The following CNTN2 variants were observed in gnomAD, a reference collection of about 807,000 sequenced individuals.
CNTN2 encodes the protein contactin 2.
A neutral mutation model predicts 117.5 loss-of-function variants in CNTN2; 53 were observed. That is an observed-to-expected ratio of 0.45 (90% CI 0.36 to 0.57). The LOEUF (loss-of-function observed/expected upper bound fraction) is 0.57. Among genes scored for constraint, CNTN2 ranks in the 20% least tolerant of loss-of-function variants. The pLI, the probability that CNTN2 is intolerant of heterozygous loss-of-function variation, is 0.00. For synonymous variants in CNTN2, 530 were observed against 561.7 expected (o/e 0.94, Z 0.80); for missense variants, 1,106 against 1,404.3 (o/e 0.79, Z 3.39).
chr1:205,065,708 C>T lies in CNTN2; in HGVS notation c.1696-81C>T, dbSNP rs914440686. The T allele has an allele frequency of 8.6e-5, 48 of 556,450 alleles. No individual in the cohort carries two copies. The highest frequency in any genetic ancestry group is 1.4e-4 in the Non-Finnish European group (43 of 306,254). The allele number at this position is 556,450 out of a possible 1,614,324, so 34.5% of individuals were successfully genotyped here. On this transcript the variant is annotated intron_variant, in intron 13 of 22. Coordinates refer to ENST00000331830, the MANE Select transcript of CNTN2 (RefSeq NM_005076.5). This position sits in a 1 kb window ranked among gnomAD's most constrained non-coding sequence, Gnocchi z 4.1. ...TGTCATGGAGTAGGGGACTCCCAAGCGCTGCCTCATGTCTCATGGCCTGCT... is the reference window on the plus strand; with the variant it reads ...TGTCATGGAGTAGGGGACTCCCAAGTGCTGCCTCATGTCTCATGGCCTGCT...
Position 205,073,446 on chromosome 1 carries a change from C to T in CNTN2, c.3013+210C>T, listed in dbSNP as rs1285451188. The T allele has an allele frequency of 8.0e-6, 6 of 754,482 alleles. No individual in the cohort carries two copies. The highest frequency in any genetic ancestry group is 3.6e-5 in the South Asian group (2 of 54,980). The allele number at this position is 754,482 out of a possible 1,614,324, so 46.7% of individuals were successfully genotyped here. A position where few individuals can be genotyped will look rare whatever the true frequency, so the allele number is the denominator to read the frequency against. On this transcript the variant is annotated intron_variant, in intron 22 of 22. Coordinates refer to ENST00000331830, the MANE Select transcript of CNTN2 (RefSeq NM_005076.5). The surrounding 1 kb of genome is among the most constrained non-coding windows in gnomAD (Gnocchi z 6.3). Reference sequence around the variant, plus strand: ...AACATCCCCGAGGGCCAGGGAAGGGCGCAGGGTGCAGGGGGAGGCTGAGGA... The same window carrying T: ...AACATCCCCGAGGGCCAGGGAAGGGTGCAGGGTGCAGGGGGAGGCTGAGGA...
chr1:205,064,594 T>C (rs767939282), intron 11 of CNTN2, 29 bp from the exon 12 acceptor site: 8 of 1,610,474 alleles, frequency 5.0e-6, no homozygotes, highest in Middle Eastern at 1.7e-4. Context: ...ATGCCTGAGT[T>C]GGCCACATCT....
At chr1:205,046,572 A>G (rs999222172) in intron 1 of CNTN2, among the ~76,000 whole-genome samples, 11 of 152,184 alleles carry the variant, frequency 7.2e-5, no homozygotes, top group Non-Finnish European at 1.5e-5. Flanking sequence ...GAGGAGGAGC[A>G]GGTTGGACCT....
At chr1:205,067,427 C>A in intron 16 of CNTN2, 177 bp downstream of exon 16, 1 of 610,900 alleles carries the variant, frequency 1.6e-6, no homozygotes, top group Non-Finnish European at 2.7e-6. Flanking sequence ...ACTGCATGGA[C>A]AAACCATCTA....
chr1:205,050,288 T>C (rs1482699867), intron 1 of CNTN2, among the ~76,000 whole-genome samples: 2 of 150,898 alleles, frequency 1.3e-5, no homozygotes, highest in Non-Finnish European at 3.0e-5. Flanking sequence ...AGTGTGTGTG[T>C]GTGTGTGTGT....
chr1:205,058,024 G>T lies in CNTN2; in HGVS notation c.174G>T (p.Leu58Phe). 6.2e-7 allele frequency: 1 copy of T among 1,614,028 alleles called. No homozygotes were observed. Among genetic ancestry groups the T allele is most frequent in the Non-Finnish European group, 8.5e-7 (1 of 1,180,002 alleles). Residue 58 changes from leucine (L) to phenylalanine (F), a missense_variant, in exon 3 of 23, where the codon TTG becomes TTT. Coordinates refer to ENST00000331830, the MANE Select transcript of CNTN2 (RefSeq NM_005076.5). This position sits in a 1 kb window ranked among gnomAD's most constrained non-coding sequence, Gnocchi z 4.3. ...AGGAGTCCACGGAGGAGCAGGTGTT[G>T]CTGGCATGCCGCGCCCGGGCCAGCC... ...FPEESTEEQV[L>F]LACRARASPP... is the part of the protein sequence containing the mutation.
At chr1:205,045,627 C>CTGAGTG (rs1289888733) in intron 1 of CNTN2, among the ~76,000 whole-genome samples, 1 of 152,128 alleles carries the variant, frequency 6.6e-6, no homozygotes, top group African/African-American at 2.4e-5. Context: ...ATCTCTAAGC[C>CTGAGTG]TGAGTGTGGG....
At position 205,076,476 on chromosome 1, in the gene CNTN2, A is replaced by T. The variant is rs906416967; in HGVS notation, c.*2711A>T. On this transcript the variant is annotated 3_prime_UTR_variant, in exon 23 of 23. Coordinates refer to ENST00000331830, the MANE Select transcript of CNTN2 (RefSeq NM_005076.5). ...GCCCAGATGGGCTGGGGGAGTTGAG[A>T]GTGTGCTTATTTTCACTGCGATCAT... 3.3e-5 allele frequency: 5 copies of T among 151,958 alleles called. No individual in the cohort carries two copies. The highest frequency in any genetic ancestry group is 7.3e-5 in the African/African-American group (3 of 41,332). The allele number at this position is 151,958 out of a possible 1,614,324, so 9.4% of individuals were successfully genotyped here.
Position 205,058,276 on chromosome 1 carries a change from A to C in CNTN2, c.311A>C (p.Gln104Pro), listed in dbSNP as rs1346147440. ...NLVIMNPTKA[Q>P]DAGVYQCLAS... ...GTCATCATGAACCCCACCAAGGCAC[A>C]GGATGCCGGGGTCTACCAGTGCCTG... The change falls in exon 4 of 23, where the codon CAG becomes CCG. Residue 104 changes from glutamine to proline, a missense_variant. Coordinates refer to ENST00000331830, the MANE Select transcript of CNTN2 (RefSeq NM_005076.5). This position sits in a 1 kb window ranked among gnomAD's most constrained non-coding sequence, Gnocchi z 4.3. The C allele has an allele frequency of 6.5e-7, 1 of 1,538,100 alleles. No individual in the cohort carries two copies. The highest frequency in any genetic ancestry group is 1.4e-5 in the African/African-American group (1 of 72,610).
chr1:205,053,325 G>C, intron 2 of CNTN2, 70 bp downstream of exon 2: 2 of 1,302,466 alleles, frequency 1.5e-6, no homozygotes, highest in Non-Finnish European at 2.1e-6. Flanking sequence ...GCTATGATTT[G>C]GGTGACGATT....
At chr1:205,057,284 C>T (rs906739793) in intron 2 of CNTN2, 14 of 152,278 alleles carry the variant, frequency 9.2e-5, no homozygotes, top group African/African-American at 3.4e-4. Context: ...GCCTAGTCCC[C>T]AGGCCCAGGC....
At position 205,073,256 on chromosome 1, in the gene CNTN2, C is replaced by T. The variant is rs934467049; in HGVS notation, c.3013+20C>T. 6.2e-7 allele frequency: 1 copy of T among 1,611,958 alleles called. No individual in the cohort carries two copies. Among genetic ancestry groups the T allele is most frequent in the South Asian group, 1.1e-5 (1 of 90,908 alleles). On this transcript the variant is annotated intron_variant, in intron 22 of 22. Coordinates refer to ENST00000331830, the MANE Select transcript of CNTN2 (RefSeq NM_005076.5). This position sits in a 1 kb window ranked among gnomAD's most constrained non-coding sequence, Gnocchi z 6.3. Reference sequence around the variant, plus strand: ...ATGGAGGTGCTGCTCCTCCCCTACCCTTATCCCCTCGAGAGATTCAGGATC... The same window carrying T: ...ATGGAGGTGCTGCTCCTCCCCTACCTTTATCCCCTCGAGAGATTCAGGATC...
In CNTN2 at chr1:205,067,210, G is replaced by A. The variant is rs747828330; in HGVS notation, c.2085G>A (p.Glu695=). ...VIASNILGTG[E]PSGPSSKIRT... Reference sequence around the variant, plus strand: ...CCAGCAACATTCTGGGCACTGGGGAGCCTAGTGGGCCCTCCAGCAAAATCC... The same window carrying A: ...CCAGCAACATTCTGGGCACTGGGGAACCTAGTGGGCCCTCCAGCAAAATCC... The change falls in exon 16 of 23, where the codon GAG becomes GAA. Residue 695 remains glutamate (E), a synonymous_variant. Transcript: ENST00000331830. 6.2e-7 allele frequency: 1 copy of A among 1,614,020 alleles called. No individual in the cohort carries two copies. Among genetic ancestry groups the A allele is most frequent in the East Asian group, 2.2e-5 (1 of 44,876 alleles).
At position 205,073,789 on chromosome 1, in the gene CNTN2, C is replaced by T. The variant is rs754281774; in HGVS notation, c.*24C>T. 1.2e-5 allele frequency: 19 copies of T among 1,587,800 alleles called. No homozygotes were observed. Among genetic ancestry groups the T allele is most frequent in the East Asian group, 9.0e-5 (4 of 44,616 alleles). On this transcript the variant is annotated 3_prime_UTR_variant, in exon 23 of 23. Coordinates refer to ENST00000331830, the MANE Select transcript of CNTN2 (RefSeq NM_005076.5). This position sits in a 1 kb window ranked among gnomAD's most constrained non-coding sequence, Gnocchi z 6.3. Reference sequence around the variant, plus strand: ...GATCCTGGAACCCCTCCCTCTGCGCCGCAGCTGGACGCCACCTCCGACGGA... The same window carrying T: ...GATCCTGGAACCCCTCCCTCTGCGCTGCAGCTGGACGCCACCTCCGACGGA...
At chr1:205,067,864 G>C (rs567646495) in intron 16 of CNTN2, 17 of 142,832 alleles carry the variant, frequency 1.2e-4, no homozygotes, top group Admixed American at 7.4e-4. Flanking sequence ...GGAGGTGGAG[G>C]TTGCAGTGAG....
At chr1:205,046,930 C>T (rs140255511) in intron 1 of CNTN2, among the ~76,000 whole-genome samples, 1,575 of 152,230 alleles carry the variant, frequency 0.01, 39 homozygotes, top group African/African-American at 0.036. Context: ...TTTAAAGGGT[C>T]TCTCTGTTAG....
At position 205,066,603 on chromosome 1, in the gene CNTN2, A is replaced by C. The variant is rs1432003104; in HGVS notation, c.1975+4A>C. 1 of 1,613,746 alleles carries C rather than the reference A, an allele frequency of 6.2e-7. No homozygotes were observed. Among genetic ancestry groups the C allele is most frequent in the Non-Finnish European group, 8.5e-7 (1 of 1,179,914 alleles). On this transcript the variant is annotated splice_donor_region_variant and intron_variant, in intron 15 of 22. Transcript: ENST00000331830. ...AAGTGGAAGCAGGTTCGGACCAGTAAGTGTGAGCCCCACCTGGGTCAGTGC... is the reference window on the plus strand; with the variant it reads ...AAGTGGAAGCAGGTTCGGACCAGTACGTGTGAGCCCCACCTGGGTCAGTGC...
chr1:205,056,259 C>A (rs3767296), intron 2 of CNTN2, among the ~76,000 whole-genome samples: 14,523 of 152,202 alleles, frequency 0.095, 1,882 homozygotes, highest in African/African-American at 0.29. Flanking sequence ...CCCAGCAGTC[C>A]GGCTGCCTCC....
At chr1:205,071,751 G>A (rs985477395) in intron 19 of CNTN2, among the ~76,000 whole-genome samples, 196 bp from the exon 20 acceptor site, 8 of 152,132 alleles carry the variant, frequency 5.3e-5, no homozygotes, top group South Asian at 2.1e-4. Context: ...CTTGAACTAC[G>A]CACCAACAGA....
Sources: allele counts gnomAD v4.1 joint callset (sites outside exome capture counted in the v4.1 genomes callset), GRCh38; gene constraint gnomAD v4.1.1; non-coding constraint Gnocchi (gnomAD v3.1); transcripts MANE v1.5; gene names NCBI Gene and HGNC (gene_info 2026-07-23, HGNC 2026-07-21).